ZFHX3: variants seen among roughly 807,000 people sequenced by gnomAD.
ZFHX3 encodes zinc finger homeobox protein 3.
A neutral mutation model predicts 279.1 loss-of-function variants in ZFHX3; 42 were observed. The ratio of observed to expected loss-of-function variants is 0.15; its 90% CI spans 0.12 to 0.19. The LOEUF (loss-of-function observed/expected upper bound fraction) is 0.19, where lower values mean the gene tolerates loss of function less well. ZFHX3 is among the 10% of genes least tolerant of loss of function. The probability of loss-of-function intolerance (pLI) is 1.00; values close to 1 mark genes in which losing one functional copy is unlikely to be tolerated. For missense variants in ZFHX3, 4,981 were observed against 4,754.0 expected, an observed-to-expected ratio of 1.05 and a Z score of -1.40; for synonymous variants, 2,293 against 1,957.8, an observed-to-expected ratio of 1.17 and a Z score of -4.52.
At chr16:73,513,749 G>A (rs986731506) in intron 2 of ZFHX3, among the ~76,000 whole-genome samples, 1 of 152,094 alleles carries the variant, frequency 6.6e-6, no homozygotes, top group East Asian at 1.9e-4. Flanking sequence ...TGAAAAGGAG[G>A]AGGTCTGAAA....
At chr16:73,122,181 T>C (rs975963360) in intron 7 of ZFHX3, among the ~76,000 whole-genome samples, 2 of 152,084 alleles carry the variant, frequency 1.3e-5, no homozygotes, top group Non-Finnish European at 2.9e-5. Context: ...AATTCACAAG[T>C]ATCTTTAAAT....
At chr16:73,540,608 T>C (rs187626840) in intron 2 of ZFHX3, among the ~76,000 whole-genome samples, 28 of 152,358 alleles carry the variant, frequency 1.8e-4, no homozygotes, top group Middle Eastern at 3.4e-3. Context: ...TCCTAAGAAG[T>C]TGCATACACA....
chr16:73,278,032 TC>T (rs2014348542), intron 4 of ZFHX3, among the ~76,000 whole-genome samples: 1 of 152,130 alleles, frequency 6.6e-6, no homozygotes, highest in Non-Finnish European at 1.5e-5. Flanking sequence ...AGGCCCCACC[TC>T]CAACACTGGG....
At chr16:72,901,216 G>A (rs900886673) in intron 3 of ZFHX3, among the ~76,000 whole-genome samples, 11 of 152,276 alleles carry the variant, frequency 7.2e-5, no homozygotes, top group Non-Finnish European at 1.2e-4. Context: ...TCTGCAGCCC[G>A]CTGAGTGCAC....
At chr16:72,867,913 G>C (rs1024386354) in intron 4 of ZFHX3, among the ~76,000 whole-genome samples, 6 of 152,120 alleles carry the variant, frequency 3.9e-5, no homozygotes, top group Admixed American at 2.6e-4. Flanking sequence ...ACAATATCAA[G>C]AGCCGCACAG....
chr16:73,202,959 C>CT lies in ZFHX3; in HGVS notation c.-1104+54087dup, dbSNP rs1417200057. Among the ~76,000 whole-genome samples, 3 of 26,732 alleles carry CT rather than the reference C, an allele frequency of 1.1e-4. No homozygotes were observed. The Admixed American group carries it at 1.3e-3, about 12-fold the overall frequency. The allele number at this position is 26,732 out of a possible 152,430, so 17.5% of individuals were successfully genotyped here. On this transcript the variant is annotated intron_variant, in intron 5 of 17. Coordinates refer to the ZFHX3 transcript ENST00000641206. ...ACGCCTTGACATAACTTTTTTTTTT[C>CT]TTTTTCGTTCCTATCTTCTACCCTC... is the stretch of plus-strand genomic sequence containing the variant.
chr16:72,817,553 T>C (rs1437672110), intron 5 of ZFHX3, among the ~76,000 whole-genome samples: 1 of 152,122 alleles, frequency 6.6e-6, no homozygotes, highest in Non-Finnish European at 1.5e-5. Context: ...CTAAGCAAAA[T>C]TCATCTTCTC....
intron 4 of ZFHX3, among the ~76,000 whole-genome samples, chr16:73,309,856 T>C (rs2015282730): frequency 6.6e-6 from 1 of 151,676 alleles, no homozygotes; most frequent in South Asian, 2.1e-4. Flanking sequence ...GTTAAAATTC[T>C]GTAAAACTTT....
intron 2 of ZFHX3, chr16:73,558,145 C>G (rs991505705): frequency 6.6e-6 from 1 of 152,202 alleles, no homozygotes; most frequent in African/African-American, 2.4e-5. Context: ...TCCCAACAGG[C>G]CACAGTGAAA....
At chr16:73,394,485 T>C (rs1182074943) in intron 3 of ZFHX3, among the ~76,000 whole-genome samples, 2 of 152,010 alleles carry the variant, frequency 1.3e-5, no homozygotes, top group Non-Finnish European at 2.9e-5. Context: ...TCAGTAGAGA[T>C]GGGGTATCAT....
intron 3 of ZFHX3, among the ~76,000 whole-genome samples, chr16:73,345,590 A>G (rs1431999539): frequency 6.6e-6 from 1 of 152,148 alleles, no homozygotes; most frequent in Non-Finnish European, 1.5e-5. Context: ...TTATGGCTGC[A>G]TCATATTCCA....
In ZFHX3 at chr16:73,102,726, C is replaced by T. The variant is rs1461016107; in HGVS notation, c.-896-9128G>A. 3.9e-5 allele frequency among the ~76,000 whole-genome samples: 6 copies of T among 152,260 alleles called. No homozygotes were observed. In the East Asian group the frequency reaches 5.8e-4, roughly 15 times the overall value. On this transcript the variant is annotated intron_variant, in intron 7 of 17. Coordinates refer to the ZFHX3 transcript ENST00000641206. ...AACCCCAGCTCTATCGCTTATTGGA[C>T]GATCTTTGATAAGTTCCTTACCTCT... is the stretch of plus-strand genomic sequence containing the variant.
At chr16:73,619,798 C>T (rs1418254106) in intron 2 of ZFHX3, among the ~76,000 whole-genome samples, 3 of 152,106 alleles carry the variant, frequency 2.0e-5, no homozygotes, top group Non-Finnish European at 4.4e-5. Flanking sequence ...ATCACTGGCT[C>T]CCACATGGTT....
chr16:73,618,928 T>G (rs2052330946), intron 2 of ZFHX3, among the ~76,000 whole-genome samples: 1 of 152,166 alleles, frequency 6.6e-6, no homozygotes, highest in Admixed American at 6.5e-5. Context: ...GATGGGACCA[T>G]GACTTGTCAC....
At chr16:73,718,230 G>C (rs921218483) in intron 1 of ZFHX3, among the ~76,000 whole-genome samples, 39 of 152,238 alleles carry the variant, frequency 2.6e-4, no homozygotes, top group African/African-American at 9.1e-4. Flanking sequence ...GGCCAACATG[G>C]CAAAACCCTG....
In ZFHX3 at chr16:72,788,301, G is replaced by A. The variant is rs746288766; in HGVS notation, c.9975C>T (p.Gly3325=). The A allele has an allele frequency of 1.3e-5, 21 of 1,614,202 alleles. No homozygotes were observed. In the East Asian group the frequency reaches 1.3e-4, roughly 10 times the overall value. ...GCTGCAGGTACCCGCTCTGCAGGGCGCCAGGGATCTGGGGAGCATAATAAG... is the reference window on the plus strand; with the variant it reads ...GCTGCAGGTACCCGCTCTGCAGGGCACCAGGGATCTGGGGAGCATAATAAG... The part of the protein sequence containing the change: ...FSPYYAPQIP[G]ALQSGYLQPM... Residue 3325 remains glycine (G), a synonymous_variant, in exon 10 of 10, where the codon GGC becomes GGT. Transcript: ENST00000268489.
At chr16:73,812,419 A>C (rs1960451646) in intron 1 of ZFHX3, among the ~76,000 whole-genome samples, 1 of 152,116 alleles carries the variant, frequency 6.6e-6, no homozygotes, top group South Asian at 2.1e-4. Flanking sequence ...GCACTATAGA[A>C]ATGGTGTTCT....
intron 1 of ZFHX3, among the ~76,000 whole-genome samples, chr16:73,746,572 T>C (rs1283676839): frequency 1.3e-5 from 2 of 152,174 alleles, no homozygotes; most frequent in Non-Finnish European, 2.9e-5. Flanking sequence ...GGGACTTCTG[T>C]CCTGTGACGA....
intron 2 of ZFHX3, among the ~76,000 whole-genome samples, chr16:73,479,223 T>A (rs2018823225): frequency 6.6e-6 from 1 of 152,178 alleles, no homozygotes; most frequent in African/African-American, 2.4e-5. Flanking sequence ...GTGTTGCTAA[T>A]GACTGGGGAG....
Sources: allele counts gnomAD v4.1 joint callset (sites outside exome capture counted in the v4.1 genomes callset), GRCh38; gene constraint gnomAD v4.1.1; transcripts MANE v1.5; gene names NCBI Gene and HGNC (gene_info 2026-07-23, HGNC 2026-07-21).